The following ANO6 variants were observed in gnomAD, a reference collection of about 807,000 sequenced individuals.
ANO6 encodes anoctamin 6.
A neutral mutation model predicts 117.5 loss-of-function variants in ANO6; 106 were observed. The observed-to-expected ratio is 0.90, with a 90% CI of 0.77 to 1.06. The LOEUF (loss-of-function observed/expected upper bound fraction) is 1.06, where lower values mean the gene tolerates loss of function less well. Among genes scored for constraint, ANO6 ranks in the 50% least tolerant of loss-of-function variants. The probability of loss-of-function intolerance (pLI) is 0.00; values close to 1 mark genes in which losing one functional copy is unlikely to be tolerated. For synonymous variants in ANO6, 367 were observed against 385.1 expected (o/e 0.95, Z 0.55); for missense variants, 955 against 1,121.1 (o/e 0.85, Z 2.12).
chr12:45,302,534 C>T (rs1939529569), intron 2 of ANO6, among the ~76,000 whole-genome samples: 1 of 152,132 alleles, frequency 6.6e-6, no homozygotes, highest in Non-Finnish European at 1.5e-5. Flanking sequence ...ATACAACCTA[C>T]ATGTATCTTG....
intron 1 of ANO6, among the ~76,000 whole-genome samples, chr12:45,247,126 A>G (rs1045457750): frequency 7.2e-5 from 11 of 152,162 alleles, no homozygotes; most frequent in South Asian, 2.1e-4. Flanking sequence ...GGGTTTCACC[A>G]TGTTGGCCAG....
chr12:45,419,744 TTC>T (rs1359011872), intron 17 of ANO6, among the ~76,000 whole-genome samples: 1 of 152,098 alleles, frequency 6.6e-6, no homozygotes, highest in Non-Finnish European at 1.5e-5. Flanking sequence ...TAAAAATCCT[TTC>T]TCCTTCCTTC....
chr12:45,241,217 A>G (rs1947737788), intron 1 of ANO6, among the ~76,000 whole-genome samples: 1 of 152,188 alleles, frequency 6.6e-6, no homozygotes, highest in Admixed American at 6.5e-5. Context: ...CTTTTCACAT[A>G]GTCCCATATT....
At chr12:45,236,775 C>T (rs1245211100) in intron 1 of ANO6, among the ~76,000 whole-genome samples, 1 of 152,172 alleles carries the variant, frequency 6.6e-6, no homozygotes, top group Non-Finnish European at 1.5e-5. Flanking sequence ...AATGGTATTT[C>T]TAGTTCTAGA....
chr12:45,400,199 T>C (rs1286150375), intron 12 of ANO6, among the ~76,000 whole-genome samples: 3 of 152,206 alleles, frequency 2.0e-5, no homozygotes, highest in Non-Finnish European at 4.4e-5. Flanking sequence ...AAGCCTGTTA[T>C]GAGATTAAAC....
Position 45,331,435 on chromosome 12 carries a change from T to C in ANO6, c.279+12T>C. On this transcript the variant is annotated intron_variant, in intron 3 of 19. Transcript: ENST00000320560. The stretch of plus-strand genomic sequence containing the variant: ...ATGAAAAACAAAGGGTAAGTTTTTA[T>C]GCTATTTTCCTTTCTTTTTATTTCT... The C allele has an allele frequency of 6.3e-7, 1 of 1,596,244 alleles. No homozygotes were observed. Among genetic ancestry groups the C allele is most frequent in the Non-Finnish European group, 8.5e-7 (1 of 1,170,020 alleles).
chr12:45,426,036 G>T (rs1184141852), intron 19 of ANO6, among the ~76,000 whole-genome samples: 2 of 152,318 alleles, frequency 1.3e-5, no homozygotes, highest in African/African-American at 4.8e-5. Flanking sequence ...TGAAGGAAAT[G>T]ACGTTATTCA....
chr12:45,279,069 T>A (rs1247677557), intron 1 of ANO6, among the ~76,000 whole-genome samples: 2 of 152,190 alleles, frequency 1.3e-5, no homozygotes, highest in African/African-American at 4.8e-5. Context: ...TCCTCTTGTC[T>A]GAAGAGCCTC....
At chr12:45,388,991 C>T (rs1024684496) in intron 11 of ANO6, among the ~76,000 whole-genome samples, 24 of 152,194 alleles carry the variant, frequency 1.6e-4, no homozygotes, top group African/African-American at 5.8e-4. Context: ...TGCATTCTTG[C>T]TTCTTTCCAT....
intron 2 of ANO6, among the ~76,000 whole-genome samples, chr12:45,310,119 A>C (rs961598700): frequency 6.6e-6 from 1 of 152,136 alleles, no homozygotes; most frequent in Admixed American, 6.6e-5. Flanking sequence ...GGCTGAGTCA[A>C]AAGCTAAATT....
chr12:45,287,118 C>T lies in ANO6; in HGVS notation c.71-14896C>T, dbSNP rs889201862. Among the ~76,000 whole-genome samples, 12 of 152,088 alleles carry T rather than the reference C, an allele frequency of 7.9e-5. No individual in the cohort carries two copies. In the East Asian group the frequency reaches 2.3e-3, roughly 29 times the overall value. On this transcript the variant is annotated intron_variant, in intron 1 of 19. Transcript: ENST00000320560. ...TTTATGCGTAATTACTAATTAAGTG[C>T]TAAAGGAAAGTACAGCAGGGCAAGC...
At chr12:45,224,249 C>T (rs764517342) in intron 1 of ANO6, among the ~76,000 whole-genome samples, 11 of 152,168 alleles carry the variant, frequency 7.2e-5, no homozygotes, top group Non-Finnish European at 1.0e-4. Flanking sequence ...GATGAAAAGA[C>T]AGGTGAGGGC....
intron 1 of ANO6, among the ~76,000 whole-genome samples, chr12:45,254,811 T>G (rs1002048459): frequency 1.3e-5 from 2 of 152,190 alleles, no homozygotes; most frequent in African/African-American, 4.8e-5. Context: ...ATGGCTAAGT[T>G]CCATAAACAG....
chr12:45,223,470 C>G (rs1433371174), intron 1 of ANO6, among the ~76,000 whole-genome samples: 1 of 152,130 alleles, frequency 6.6e-6, no homozygotes, highest in African/African-American at 2.4e-5. Context: ...AGAAAAAACA[C>G]TTAGTGTTTT....
chr12:45,238,711 T>C (rs1418156298), intron 1 of ANO6, among the ~76,000 whole-genome samples: 1 of 152,236 alleles, frequency 6.6e-6, no homozygotes, highest in African/African-American at 2.4e-5. Flanking sequence ...TTGAGATATG[T>C]TCCATCAATA....
intron 3 of ANO6, among the ~76,000 whole-genome samples, chr12:45,345,646 A>G (rs1170201310): frequency 6.6e-6 from 1 of 152,226 alleles, no homozygotes; most frequent in Non-Finnish European, 1.5e-5. Context: ...ATATCTTCAC[A>G]AGACCCTAAA....
chr12:45,359,832 A>G (rs1941508555), intron 8 of ANO6, among the ~76,000 whole-genome samples: 1 of 152,236 alleles, frequency 6.6e-6, no homozygotes, highest in Non-Finnish European at 1.5e-5. Context: ...GATATACAGT[A>G]ACTGTAGGTT....
Position 45,348,617 on chromosome 12 carries a change from T to G in ANO6, c.733T>G (p.Phe245Val). The change falls in exon 6 of 20, where the codon TTC becomes GTC. Residue 245 changes from phenylalanine to valine, a missense_variant. Coordinates refer to ENST00000320560, the MANE Select transcript of ANO6 (RefSeq NM_001025356.3). ...LVNSGIYKAA[F>V]PLHDCKFRRQ... ...AAACTCTGGGATCTACAAGGCAGCT[T>G]TCCCACTCCATGATGTAAGTTAAAA... is the stretch of plus-strand genomic sequence containing the variant. 1 of 1,613,558 alleles carries G rather than the reference T, an allele frequency of 6.2e-7. No individual in the cohort carries two copies. Among genetic ancestry groups the G allele is most frequent in the Non-Finnish European group, 8.5e-7 (1 of 1,179,552 alleles).
At chr12:45,434,080 G>A (rs139677778), downstream of ANO6, among the ~76,000 whole-genome samples, 31 of 152,240 alleles carry the variant, frequency 2.0e-4, 1 homozygote, top group East Asian at 1.4e-3. Context: ...TGGAAGATAC[G>A]CCTGAGATCG....
Sources: allele counts gnomAD v4.1 joint callset (sites outside exome capture counted in the v4.1 genomes callset), GRCh38; gene constraint gnomAD v4.1.1; transcripts MANE v1.5; gene names NCBI Gene and HGNC (gene_info 2026-07-23, HGNC 2026-07-21).